ZNF710: variants seen among roughly 807,000 people sequenced by gnomAD.
ZNF710 encodes the protein zinc finger protein 710.
ZNF710 carries 13 observed loss-of-function variants against 50.6 expected under a neutral mutation model. The observed-to-expected ratio is 0.26, with a 90% CI of 0.17 to 0.41. ZNF710 has a LOEUF of 0.41. Ranked by LOEUF, ZNF710 falls within the 10% of genes least tolerant of loss-of-function variation. The probability of loss-of-function intolerance (pLI) is 1.00; values close to 1 mark genes in which losing one functional copy is unlikely to be tolerated. For missense variants in ZNF710, 721 were observed against 936.6 expected (o/e 0.77, Z 3.01); for synonymous variants, 383 against 397.0 (o/e 0.96, Z 0.42).
intron 1 of ZNF710, among the ~76,000 whole-genome samples, chr15:90,008,656 C>A (rs1037318590): frequency 6.6e-6 from 1 of 151,116 alleles, no homozygotes; most frequent in African/African-American, 2.4e-5. Context: ...GCACGTGTAG[C>A]TGTAGTCCCA....
rs892765138 is a variant in ZNF710, at chr15:90,062,779, C to T, written c.-28-4331C>T. Among the ~76,000 whole-genome samples the T allele has an allele frequency of 3.9e-5, 6 of 152,188 alleles. No individual in the cohort carries two copies. Among genetic ancestry groups the T allele is most frequent in the African/African-American group, 1.2e-4 (5 of 41,456 alleles). On this transcript the variant is annotated intron_variant, in intron 1 of 4. Coordinates refer to ENST00000268154, the MANE Select transcript of ZNF710 (RefSeq NM_198526.4). The surrounding 1 kb of genome is among the most constrained non-coding windows in gnomAD (Gnocchi z 5.6). The stretch of plus-strand genomic sequence containing the variant: ...GCGATAGGCAGGCAGAACACACATG[C>T]GAAACGCAGGTAAATTAGATTCCCT...
At chr15:90,013,888 A>G (rs1186884523) in intron 1 of ZNF710, among the ~76,000 whole-genome samples, 1 of 152,078 alleles carries the variant, frequency 6.6e-6, no homozygotes, top group Non-Finnish European at 1.5e-5. Flanking sequence ...TGCATTACCT[A>G]TTAGTCTGTG....
chr15:90,024,114 A>C (rs1335006808), intron 1 of ZNF710, among the ~76,000 whole-genome samples: 1 of 152,100 alleles, frequency 6.6e-6, no homozygotes, highest in Non-Finnish European at 1.5e-5. Context: ...TGGCCACATG[A>C]TGCAACCCTC....
At chr15:90,049,855 C>T (rs552143664) in intron 1 of ZNF710, among the ~76,000 whole-genome samples, 1 of 152,368 alleles carries the variant, frequency 6.6e-6, no homozygotes, top group African/African-American at 2.4e-5. Context: ...CTCCCGCCTT[C>T]TCTGAACTTC....
In ZNF710 at chr15:90,081,265, C is replaced by G. The variant is rs1384148280; in HGVS notation, c.*1436C>G. ...CCACGCCAGCTCCTGCCCCTGGAAC[C>G]AGAGATGACAGGCCCAGGGCAGTGA... On this transcript the variant is annotated 3_prime_UTR_variant, in exon 5 of 5. Transcript: ENST00000268154. 1 of 146,576 alleles carries G rather than the reference C, an allele frequency of 6.8e-6. No homozygotes were observed. The highest frequency in any genetic ancestry group is 2.5e-5 in the African/African-American group (1 of 39,416). The allele number at this position is 146,576 out of a possible 1,614,324, so 9.1% of individuals were successfully genotyped here.
At chr15:90,033,871 G>A (rs1172364043) in intron 1 of ZNF710, among the ~76,000 whole-genome samples, 5 of 152,158 alleles carry the variant, frequency 3.3e-5, no homozygotes, top group African/African-American at 9.6e-5. Context: ...GTGCAAGCTT[G>A]GCCCACTGAC....
At chr15:90,069,560 G>C (rs1290543846) in intron 2 of ZNF710, among the ~76,000 whole-genome samples, 1 of 152,164 alleles carries the variant, frequency 6.6e-6, no homozygotes, top group Non-Finnish European at 1.5e-5. Flanking sequence ...TGGCTCAGTG[G>C]TCAGAAGTAC....
chr15:90,066,498 G>C, intron 1 of ZNF710, among the ~76,000 whole-genome samples: 1 of 79,424 alleles, frequency 1.3e-5, no homozygotes, highest in African/African-American at 4.3e-5. Context: ...TTTTTTTTGA[G>C]ACAGAGTGTC....
At chr15:90,027,745 G>A (rs745567228) in intron 1 of ZNF710, among the ~76,000 whole-genome samples, 5 of 151,762 alleles carry the variant, frequency 3.3e-5, no homozygotes, top group Non-Finnish European at 7.4e-5. Flanking sequence ...CCAGCTGCTC[G>A]GAAGGCTGAG....
intron 1 of ZNF710, among the ~76,000 whole-genome samples, chr15:90,014,113 C>T (rs1029051995): frequency 2.6e-5 from 4 of 152,032 alleles, no homozygotes; most frequent in South Asian, 2.1e-4. Flanking sequence ...CAAGCACCCC[C>T]GGTCTTGGAC....
Position 90,034,493 on chromosome 15 carries a change from G to C in ZNF710, c.-28-32617G>C, listed in dbSNP as rs932921107. Among the ~76,000 whole-genome samples, 2 of 150,766 alleles carry C rather than the reference G, an allele frequency of 1.3e-5. No homozygotes were observed. Among genetic ancestry groups the C allele is most frequent in the African/African-American group, 4.9e-5 (2 of 40,954 alleles). On this transcript the variant is annotated intron_variant, in intron 1 of 4. Coordinates refer to ENST00000268154, the MANE Select transcript of ZNF710 (RefSeq NM_198526.4). The surrounding 1 kb of genome is among the most constrained non-coding windows in gnomAD (Gnocchi z 4.0). ...GTGTGTGTATTCTGTGCCTGTGGTG[G>C]TGGTGGCCATGGTGTCGGCAGCAGC...
intron 1 of ZNF710, among the ~76,000 whole-genome samples, chr15:90,047,986 T>G (rs926843397): frequency 6.6e-6 from 1 of 152,212 alleles, no homozygotes; most frequent in Non-Finnish European, 1.5e-5. Flanking sequence ...GTTCTGTGCC[T>G]CAGTTTCCAT....
intron 1 of ZNF710, 89 bp downstream of exon 1, chr15:90,001,703 G>A (rs1323965833): frequency 6.9e-6 from 1 of 144,176 alleles, no homozygotes; most frequent in East Asian, 2.0e-4. Context: ...GGGGGCGCGG[G>A]GGTGGGTCGC....
rs1478163685 is a variant in ZNF710, at chr15:90,062,515, GGGGC to G, written c.-28-4594_-28-4591del. On this transcript the variant is annotated intron_variant, in intron 1 of 4. Transcript: ENST00000268154. The surrounding 1 kb of genome is among the most constrained non-coding windows in gnomAD (Gnocchi z 5.6). The stretch of plus-strand genomic sequence containing the variant: ...GCTCTAAGAAGGGAGGGGCCCCAGT[GGGGC>G]CCCAGGCGGATGACAGAGGGGCCTT... Among the ~76,000 whole-genome samples, 1 of 152,174 alleles carries G rather than the reference GGGGC, an allele frequency of 6.6e-6. No individual in the cohort carries two copies. The highest frequency in any genetic ancestry group is 2.4e-5 in the African/African-American group (1 of 41,450).
rs561133154 is a variant in ZNF710, at chr15:90,023,601, T to C, written c.-29+21987T>C. On this transcript the variant is annotated intron_variant, in intron 1 of 4. Transcript: ENST00000268154. Reference sequence around the variant, plus strand: ...CAGGTGGCTGAGGCAGGAAGATCTCTTGAGCCCAAGAGTTCACGGCTGCAG... The same window carrying C: ...CAGGTGGCTGAGGCAGGAAGATCTCCTGAGCCCAAGAGTTCACGGCTGCAG... Among the ~76,000 whole-genome samples, 53 of 152,298 alleles carry C rather than the reference T, an allele frequency of 3.5e-4. No individual in the cohort carries two copies. The Middle Eastern group carries it at 0.014, about 39-fold the overall frequency.
chr15:90,051,014 G>A (rs149640347), intron 1 of ZNF710, among the ~76,000 whole-genome samples: 3,483 of 152,086 alleles, frequency 0.023, 145 homozygotes, highest in African/African-American at 0.08. Context: ...CGAGGTGGGC[G>A]GATCACTTGA....
At position 90,074,097 on chromosome 15, in the gene ZNF710, C is replaced by G. The variant is rs780769560; in HGVS notation, c.1651-19C>G. 8.1e-6 allele frequency: 13 copies of G among 1,600,866 alleles called. No individual in the cohort carries two copies. In the East Asian group the frequency reaches 2.5e-4, roughly 31 times the overall value. On this transcript the variant is annotated intron_variant, in intron 3 of 4. Transcript: ENST00000268154. ...GCAGGTTCCCCACAGGCTCAGGACA[C>G]CGGGTTGATGTGTTCTAGGTGTGCG...
At chr15:90,016,736 C>G (rs925558581) in intron 1 of ZNF710, among the ~76,000 whole-genome samples, 3 of 152,130 alleles carry the variant, frequency 2.0e-5, no homozygotes, top group Non-Finnish European at 2.9e-5. Flanking sequence ...TTTTTTTTAA[C>G]CAACATTTCA....
rs1023956930 is a variant in ZNF710, at chr15:90,040,398, C to T, written c.-28-26712C>T. Among the ~76,000 whole-genome samples the T allele has an allele frequency of 6.6e-6, 1 of 152,330 alleles. No homozygotes were observed. The highest frequency in any genetic ancestry group is 1.5e-5 in the Non-Finnish European group (1 of 68,024). ...CTCCGCAGATTTTCCCTGCAAGGTA[C>T]AAGCCCTCCAGCCTCTTCCACCCAA... is the stretch of plus-strand genomic sequence containing the variant. On this transcript the variant is annotated intron_variant, in intron 1 of 4. Coordinates refer to ENST00000268154, the MANE Select transcript of ZNF710 (RefSeq NM_198526.4). The surrounding 1 kb of genome is among the most constrained non-coding windows in gnomAD (Gnocchi z 4.6).
Sources: gnomAD v4.1 joint callset for allele counts (sites outside exome capture counted in the v4.1 genomes callset) on GRCh38, gnomAD v4.1.1 for gene constraint, Gnocchi (gnomAD v3.1) non-coding constraint, MANE v1.5 for transcripts, NCBI Gene and HGNC (gene_info 2026-07-23, HGNC 2026-07-21) for gene names.